The following INPP4B variants were observed in gnomAD, a reference collection of about 807,000 sequenced individuals.
The protein encoded by INPP4B is inositol polyphosphate-4-phosphatase type II B.
A neutral mutation model predicts 122.5 loss-of-function variants in INPP4B; 55 were observed. The ratio of observed to expected loss-of-function variants is 0.45; its 90% confidence interval spans 0.36 to 0.56. INPP4B has a LOEUF of 0.56. Ranked by LOEUF, INPP4B falls within the 20% of genes least tolerant of loss-of-function variation. INPP4B has a pLI of 0.00. For synonymous variants in INPP4B, 403 were observed against 388.7 expected (o/e 1.04, Z -0.43); for missense variants, 1,000 against 1,097.7 (o/e 0.91, Z 1.26).
chr4:142,735,786 C>T (rs1164984356), intron 1 of INPP4B, among the ~76,000 whole-genome samples: 7 of 152,080 alleles, frequency 4.6e-5, no homozygotes, highest in Admixed American at 2.6e-4. Context: ...CCCACAAATT[C>T]TATTCTTTGT....
At chr4:142,295,089 G>T (rs1262819115) in intron 9 of INPP4B, among the ~76,000 whole-genome samples, 6 of 152,038 alleles carry the variant, frequency 3.9e-5, no homozygotes, top group African/African-American at 1.4e-4. Flanking sequence ...ATGTAGGAAG[G>T]GTCTTAGTTT....
Position 142,735,587 on chromosome 4 carries a change from C to A in INPP4B, c.-253-9686G>T, listed in dbSNP as rs554358655. Among the ~76,000 whole-genome samples the A allele has an allele frequency of 2.0e-5, 3 of 152,066 alleles. No homozygotes were observed. The South Asian group carries it at 6.2e-4, about 32-fold the overall frequency. On this transcript the variant is annotated intron_variant, in intron 1 of 25. Transcript: ENST00000262992. The stretch of plus-strand genomic sequence containing the variant: ...TGTTGCCCAAGCCACAGCCATCGAG[C>A]AAAAGTAAGATTTGAAGGCAGGGAG...
At chr4:142,816,250 T>C (rs1484154922) in intron 1 of INPP4B, among the ~76,000 whole-genome samples, 1 of 152,186 alleles carries the variant, frequency 6.6e-6, no homozygotes, top group Non-Finnish European at 1.5e-5. Context: ...GAGAAGAAGA[T>C]ATTTCTCAGA....
chr4:142,729,275 G>A (rs982368504), intron 1 of INPP4B, among the ~76,000 whole-genome samples: 3 of 152,242 alleles, frequency 2.0e-5, no homozygotes, highest in Middle Eastern at 3.4e-3. Context: ...ACCTGTCCAC[G>A]GCTTGGGGGT....
intron 12 of INPP4B, among the ~76,000 whole-genome samples, chr4:142,235,014 T>C (rs576367950): frequency 6.6e-6 from 1 of 152,298 alleles, no homozygotes; most frequent in Admixed American, 6.5e-5. Flanking sequence ...TTCAATAGTT[T>C]ATTAGTTTCT....
rs149366943 is a variant in INPP4B, at chr4:142,259,484, T to G, written c.688+1008A>C. On this transcript the variant is annotated intron_variant, in intron 11 of 25. Transcript: ENST00000262992. ...AATTTTTTAAGTGTGTATTTTGTAC[T>G]CTTTCTAGGTACAGGATTAAAAACA... 3.8e-3 allele frequency among the ~76,000 whole-genome samples: 583 copies of G among 151,752 alleles called. 2 individuals are homozygous for G. The highest frequency in any genetic ancestry group is 5.9e-3 in the Admixed American group (90 of 15,244).
intron 1 of INPP4B, among the ~76,000 whole-genome samples, chr4:142,831,549 G>T (rs1030816327): frequency 3.9e-5 from 6 of 152,286 alleles, no homozygotes; most frequent in African/African-American, 1.4e-4. Flanking sequence ...GGTAAAGAAA[G>T]ATTCCTCACT....
At chr4:142,571,236 T>A (rs1732753812) in intron 2 of INPP4B, among the ~76,000 whole-genome samples, 1 of 152,028 alleles carries the variant, frequency 6.6e-6, no homozygotes, top group Non-Finnish European at 1.5e-5. Context: ...TCATTTTTAA[T>A]CTGGATCCCA....
intron 7 of INPP4B, among the ~76,000 whole-genome samples, chr4:142,330,891 T>A (rs2635426): frequency 0.5 from 75,429 of 151,942 alleles, 18,780 homozygotes; most frequent in Non-Finnish European, 0.52. Flanking sequence ...ACTACTTAAA[T>A]CTAAGTGCAC....
chr4:142,237,894 A>G lies in INPP4B; in HGVS notation c.806T>C (p.Ile269Thr), dbSNP rs775756985. 1 of 1,574,368 alleles carries G rather than the reference A, an allele frequency of 6.4e-7. No individual in the cohort carries two copies. Among genetic ancestry groups the G allele is most frequent in the East Asian group, 2.3e-5 (1 of 44,416 alleles). Residue 269 changes from isoleucine (I) to threonine (T), a missense_variant, in exon 12 of 26, where the codon ATT (isoleucine) becomes ACT (threonine). Ile to Thr is a moderately conservative substitution (Grantham distance 89). Transcript: ENST00000262992. The stretch of plus-strand genomic sequence containing the variant: ...CAAATCTTCTTTAATGTGAAGGGAA[A>G]TCAATTCCTTAGGAATATGAAAGGA... ...ILSFHIPKEL[I>T]SLHIKEDLCR...
chr4:142,798,939 G>T (rs1777640630), intron 1 of INPP4B, among the ~76,000 whole-genome samples: 1 of 151,752 alleles, frequency 6.6e-6, no homozygotes, highest in Non-Finnish European at 1.5e-5. Flanking sequence ...GATGGTTAAA[G>T]TGTTTATAGG....
intron 25 of INPP4B, among the ~76,000 whole-genome samples, chr4:142,043,431 A>T (rs1373362870): frequency 6.6e-6 from 1 of 152,194 alleles, no homozygotes; most frequent in Non-Finnish European, 1.5e-5. Flanking sequence ...CATTTCTTCT[A>T]CAAAGATTCA....
At chr4:142,839,554 G>A (rs765265968) in intron 1 of INPP4B, among the ~76,000 whole-genome samples, 2 of 152,160 alleles carry the variant, frequency 1.3e-5, no homozygotes, top group African/African-American at 4.8e-5. Flanking sequence ...AGTAAAATAT[G>A]TAGTGTTTTT....
intron 1 of INPP4B, among the ~76,000 whole-genome samples, chr4:142,828,983 G>T (rs925575951): frequency 5.3e-5 from 8 of 151,142 alleles, no homozygotes; most frequent in African/African-American, 1.7e-4. Context: ...CATGACCCCT[G>T]ACTTCTGATG....
intron 7 of INPP4B, among the ~76,000 whole-genome samples, chr4:142,382,068 C>T (rs561718999): frequency 6.6e-6 from 1 of 152,152 alleles, no homozygotes; most frequent in South Asian, 2.1e-4. Context: ...TCCCAACATT[C>T]CTCTCCATAA....
intron 8 of INPP4B, among the ~76,000 whole-genome samples, chr4:142,310,279 G>T (rs1289899088): frequency 6.6e-6 from 1 of 151,908 alleles, no homozygotes; most frequent in Non-Finnish European, 1.5e-5. Flanking sequence ...AATGCACACT[G>T]AATTTAGAAT....
chr4:142,761,389 C>T (rs1365230274), intron 1 of INPP4B, among the ~76,000 whole-genome samples: 1 of 152,028 alleles, frequency 6.6e-6, no homozygotes, highest in Non-Finnish European at 1.5e-5. Context: ...TGTACTACAT[C>T]ATATAATTTA....
chr4:142,750,730 G>A (rs1769562369), intron 1 of INPP4B, among the ~76,000 whole-genome samples: 1 of 152,082 alleles, frequency 6.6e-6, no homozygotes, highest in Non-Finnish European at 1.5e-5. Context: ...CTTGGCAGAT[G>A]GGTCTAATCA....
intron 7 of INPP4B, among the ~76,000 whole-genome samples, chr4:142,390,424 T>C (rs997983318): frequency 1.3e-5 from 2 of 152,206 alleles, no homozygotes; most frequent in Non-Finnish European, 2.9e-5. Flanking sequence ...GAATGACTTA[T>C]GGTAACCTGG....
Sources: gnomAD v4.1 joint callset for allele counts (sites outside exome capture counted in the v4.1 genomes callset) on GRCh38, gnomAD v4.1.1 for gene constraint, MANE v1.5 for transcripts, NCBI Gene and HGNC (gene_info 2026-07-23, HGNC 2026-07-21) for gene names.